The following NEDD4L variants were observed in gnomAD, a reference collection of about 807,000 sequenced individuals.
NEDD4L encodes the protein NEDD4 like E3 ubiquitin protein ligase.
In NEDD4L, 54 loss-of-function variants were observed where a neutral mutation model predicts 148.9. That is an observed-to-expected ratio of 0.36 (90% CI 0.29 to 0.45). NEDD4L has a LOEUF of 0.45. Among genes scored for constraint, NEDD4L ranks in the 20% least tolerant of loss-of-function variants. The pLI is 1.00. For missense variants in NEDD4L, 856 were observed against 1,233.8 expected (o/e 0.69, Z 4.59); for synonymous variants, 433 against 440.7 (o/e 0.98, Z 0.22).
intron 2 of NEDD4L, among the ~76,000 whole-genome samples, chr18:58,233,131 C>T (rs2045453732): frequency 6.6e-6 from 1 of 152,208 alleles, no homozygotes; most frequent in East Asian, 1.9e-4. Flanking sequence ...TGCTTTGTGC[C>T]TCTTGCTGCA....
At chr18:58,276,668 TGTG>T (rs1163029364) in intron 5 of NEDD4L, among the ~76,000 whole-genome samples, 1 of 146,252 alleles carries the variant, frequency 6.8e-6, no homozygotes, top group African/African-American at 2.6e-5. Flanking sequence ...GTTTTACAAT[TGTG>T]GTCAGCTATA....
At chr18:58,380,406 C>T (rs1350179547) in intron 24 of NEDD4L, among the ~76,000 whole-genome samples, 1 of 151,754 alleles carries the variant, frequency 6.6e-6, no homozygotes, top group Non-Finnish European at 1.5e-5. Flanking sequence ...GCAACCTCAG[C>T]CCCCTGGGTT....
At chr18:58,190,782 A>T (rs2040019005) in intron 2 of NEDD4L, among the ~76,000 whole-genome samples, 1 of 152,080 alleles carries the variant, frequency 6.6e-6, no homozygotes, top group Non-Finnish European at 1.5e-5. Flanking sequence ...CTTACCTTTT[A>T]CCTCCATTAT....
Position 58,366,084 on chromosome 18 carries a change from G to A in NEDD4L, c.1919G>A (p.Arg640Lys), listed in dbSNP as rs1387971746. ...ESYRRIMSVK[R>K]PDVLKARLWI... is the part of the protein sequence containing the mutation. ...TATCGGAGAATTATGTCCGTGAAAAGACCAGATGTCCTAAAAGCTAGACTG... is the reference window on the plus strand; with the variant it reads ...TATCGGAGAATTATGTCCGTGAAAAAACCAGATGTCCTAAAAGCTAGACTG... Residue 640 changes from arginine to lysine, a missense_variant, in exon 21 of 31, where the codon AGA (arginine) becomes AAA (lysine). By Grantham distance (26) the Arg-to-Lys change is conservative. Transcript: ENST00000400345. The surrounding 1 kb of genome is among the most constrained non-coding windows in gnomAD (Gnocchi z 4.2). The A allele has an allele frequency of 1.2e-6, 2 of 1,613,522 alleles. No individual in the cohort carries two copies. The highest frequency in any genetic ancestry group is 3.3e-5 in the Admixed American group (2 of 59,966).
At chr18:58,142,139 T>C (rs1045197246) in intron 1 of NEDD4L, among the ~76,000 whole-genome samples, 1 of 143,528 alleles carries the variant, frequency 7.0e-6, no homozygotes, top group Non-Finnish European at 1.5e-5. Context: ...CTCCACCTCC[T>C]GGGTTCACGC....
At chr18:58,259,538 T>C (rs1224837434) in intron 5 of NEDD4L, among the ~76,000 whole-genome samples, 1 of 152,220 alleles carries the variant, frequency 6.6e-6, no homozygotes, top group East Asian at 1.9e-4. Context: ...GTATGCCATT[T>C]TGTGCATAAT....
intron 12 of NEDD4L, among the ~76,000 whole-genome samples, chr18:58,334,334 T>C (rs977681589): frequency 8.5e-5 from 13 of 152,332 alleles, no homozygotes; most frequent in African/African-American, 3.1e-4. Flanking sequence ...ACAGAGCCTC[T>C]GTACCTTCTC....
chr18:58,385,782 G>A (rs746526105), intron 26 of NEDD4L, among the ~76,000 whole-genome samples, 196 bp downstream of exon 26: 1 of 151,904 alleles, frequency 6.6e-6, no homozygotes, highest in Non-Finnish European at 1.5e-5. Context: ...CCACCGTGCC[G>A]CCACCTCCTT....
intron 5 of NEDD4L, among the ~76,000 whole-genome samples, chr18:58,315,435 A>G (rs1047808256): frequency 1.3e-5 from 2 of 151,922 alleles, no homozygotes; most frequent in African/African-American, 4.8e-5. Context: ...CCTGATCCAT[A>G]TACGTGGACT....
chr18:58,123,728 C>T (rs1234003875), intron 1 of NEDD4L, among the ~76,000 whole-genome samples: 2 of 152,112 alleles, frequency 1.3e-5, no homozygotes, highest in Non-Finnish European at 2.9e-5. Flanking sequence ...CCATCATTCT[C>T]CTAGCTGATG....
At chr18:58,045,594 C>G (rs2081541459) in intron 1 of NEDD4L, 1 of 153,020 alleles carries the variant, frequency 6.5e-6, no homozygotes, top group Non-Finnish European at 1.5e-5. Flanking sequence ...CTCTCTCGAC[C>G]AGCCACGCTC....
At chr18:58,355,159 C>T (rs958509368) in intron 18 of NEDD4L, among the ~76,000 whole-genome samples, 3 of 152,064 alleles carry the variant, frequency 2.0e-5, no homozygotes, top group African/African-American at 4.8e-5. Context: ...TAGAAGATGT[C>T]TTGAACTGGG....
intron 20 of NEDD4L, 87 bp from the exon 21 acceptor site, chr18:58,365,912 C>A: frequency 2.1e-6 from 2 of 951,588 alleles, no homozygotes; most frequent in Non-Finnish European, 3.1e-6. Flanking sequence ...GGACTGCCAA[C>A]TTTTCTACCA....
chr18:58,385,663 C>A, intron 26 of NEDD4L, 77 bp downstream of exon 26: 2 of 1,202,056 alleles, frequency 1.7e-6, no homozygotes, highest in Non-Finnish European at 2.5e-6. Flanking sequence ...TCTCCTTTAG[C>A]TAGTGTGGTG....
At chr18:58,136,846 G>C (rs1253032002) in intron 1 of NEDD4L, among the ~76,000 whole-genome samples, 3 of 152,106 alleles carry the variant, frequency 2.0e-5, no homozygotes, top group Non-Finnish European at 4.4e-5. Context: ...TCCACAAGTG[G>C]CCCAACCAGT....
At chr18:58,285,404 C>G (rs2053746526) in intron 5 of NEDD4L, among the ~76,000 whole-genome samples, 1 of 151,852 alleles carries the variant, frequency 6.6e-6, no homozygotes, top group South Asian at 2.1e-4. Context: ...TCTCGGCTCA[C>G]TGCAACCTCC....
intron 6 of NEDD4L, among the ~76,000 whole-genome samples, chr18:58,317,334 C>T (rs1475240326): frequency 1.3e-5 from 2 of 152,196 alleles, no homozygotes; most frequent in Non-Finnish European, 2.9e-5. Flanking sequence ...TGAGCAAAGA[C>T]CTCGCATCCT....
intron 5 of NEDD4L, among the ~76,000 whole-genome samples, chr18:58,289,119 G>A (rs1294373118): frequency 2.0e-5 from 3 of 152,222 alleles, no homozygotes; most frequent in African/African-American, 7.2e-5. Context: ...ATGGTTCAGT[G>A]ACAAGAGTGC....
chr18:58,395,521 G>A (rs767794750), intron 30 of NEDD4L, among the ~76,000 whole-genome samples: 5 of 152,082 alleles, frequency 3.3e-5, no homozygotes, highest in Non-Finnish European at 7.4e-5. Flanking sequence ...GATATGTAGG[G>A]ACTTTTTCTA....
Sources: allele counts gnomAD v4.1 joint callset (sites outside exome capture counted in the v4.1 genomes callset), GRCh38; gene constraint gnomAD v4.1.1; non-coding constraint Gnocchi (gnomAD v3.1); transcripts MANE v1.5; gene names NCBI Gene and HGNC (gene_info 2026-07-23, HGNC 2026-07-21).